Variants in C3orf52 observed in about 807,000 individuals in gnomAD.
The protein encoded by C3orf52 is chromosome 3 open reading frame 52.
Under a neutral mutation model 24.8 loss-of-function variants are expected in C3orf52, and 22 were observed. That is an observed-to-expected ratio of 0.89 (90% CI 0.63 to 1.27). C3orf52 has a LOEUF of 1.27. Among genes scored for constraint, C3orf52 ranks in the 50% most tolerant of loss-of-function variants. The pLI is 0.00. For missense variants in C3orf52, 265 were observed against 260.7 expected (o/e 1.02, Z -0.11); for synonymous variants, 93 against 100.2 (o/e 0.93, Z 0.43).
chr3:112,099,286 C>T (rs1017333499), intron 2 of C3orf52, among the ~76,000 whole-genome samples: 2 of 152,164 alleles, frequency 1.3e-5, no homozygotes, highest in Non-Finnish European at 2.9e-5. Context: ...TACACGCTCA[C>T]ATTGGTGGTT....
At chr3:112,126,929 G>A (rs1482025790) in intron 4 of C3orf52, 1 of 1,120,214 alleles carries the variant, frequency 8.9e-7, no homozygotes, top group African/African-American at 1.5e-5. Context: ...TAGAGAAGAA[G>A]TAGTTTGGAA....
At chr3:112,122,309 G>A (rs1205946773), downstream of C3orf52, 1 of 152,154 alleles carries the variant, frequency 6.6e-6, no homozygotes, top group Non-Finnish European at 1.5e-5. Flanking sequence ...ACTCTCCCAT[G>A]GTTGAACAAT....
rs2074139529 is a variant in C3orf52 at position 112,116,949 on chromosome 3, TGTTTTGTTTC to T, written c.*313_*322del. 6.5e-7 allele frequency: 1 copy of T among 1,530,152 alleles called. No homozygotes were observed. Among genetic ancestry groups the T allele is most frequent in the Non-Finnish European group, 8.8e-7 (1 of 1,141,450 alleles). 94.8% of individuals were successfully genotyped at this position (1,530,152 alleles called of 1,614,324 possible). ...AGGTCACTGGTATTCTGTTTGTTTT[TGTTTTGTTTC>T]GTTTTGTTTTTTGAGACAGGGTCTC... is the stretch of plus-strand genomic sequence containing the variant. On this transcript the variant is annotated 3_prime_UTR_variant, in exon 6 of 6. Coordinates refer to ENST00000264848, the MANE Select transcript of C3orf52 (RefSeq NM_024616.3).
intron 3 of C3orf52, among the ~76,000 whole-genome samples, chr3:112,106,925 A>G (rs954367075): frequency 8.5e-5 from 13 of 152,186 alleles, no homozygotes; most frequent in African/African-American, 2.7e-4. Flanking sequence ...CTCCTTGCTC[A>G]GTTTGCACCA....
chr3:112,103,215 C>T (rs368463528), intron 3 of C3orf52, among the ~76,000 whole-genome samples: 12 of 151,754 alleles, frequency 7.9e-5, no homozygotes, highest in East Asian at 3.9e-4. Flanking sequence ...TACTTAAGGG[C>T]GGAGGGTGGG....
Position 112,098,675 on chromosome 3 carries a change from G to C in C3orf52, c.269-4163G>C, listed in dbSNP as rs1368224242. 3.3e-5 allele frequency among the ~76,000 whole-genome samples: 5 copies of C among 152,246 alleles called. No individual in the cohort carries two copies. The East Asian group carries it at 5.8e-4, about 18-fold the overall frequency. On this transcript the variant is annotated intron_variant, in intron 2 of 5. Coordinates refer to ENST00000264848, the MANE Select transcript of C3orf52 (RefSeq NM_024616.3). The stretch of plus-strand genomic sequence containing the variant: ...AGCTTATACATAACAGAAATTTATT[G>C]CTTACAGTTCTGGAGGCTGGGAACT...
Position 112,116,772 on chromosome 3 carries a change from G to C in C3orf52, c.*126G>C. 6.5e-7 allele frequency: 1 copy of C among 1,546,292 alleles called. No homozygotes were observed. The highest frequency in any genetic ancestry group is 8.7e-7 in the Non-Finnish European group (1 of 1,147,070). Reference sequence around the variant, plus strand: ...CAGAAGCACCAGCAACACCAGAGGGGTGGAGACTCCTTTCTCTCCCGATTC... The same window carrying C: ...CAGAAGCACCAGCAACACCAGAGGGCTGGAGACTCCTTTCTCTCCCGATTC... On this transcript the variant is annotated 3_prime_UTR_variant, in exon 6 of 6. Transcript: ENST00000264848.
intron 4 of C3orf52, chr3:112,111,513 CT>C (rs1211147944): frequency 6.6e-6 from 1 of 152,270 alleles, no homozygotes; most frequent in Non-Finnish European, 1.5e-5. Context: ...GAAAGTTGCT[CT>C]TTTCTCAAAA....
chr3:112,093,462 A>T lies in C3orf52; in HGVS notation c.241A>T (p.Ile81Phe), dbSNP rs2073897619. The change falls in exon 2 of 6, where the codon ATC (isoleucine) becomes TTC (phenylalanine). Residue 81 changes from isoleucine to phenylalanine, a missense_variant. Transcript: ENST00000264848. ...TSIFLGVITV[I>F]IIGLCLAAVT... Reference sequence around the variant, plus strand: ...CATTTTCCTAGGTGTCATTACAGTGATCATCATAGGCTTATGTCTTGCTGC... The same window carrying T: ...CATTTTCCTAGGTGTCATTACAGTGTTCATCATAGGCTTATGTCTTGCTGC... The T allele has an allele frequency of 1.9e-6, 3 of 1,613,756 alleles. No individual in the cohort carries two copies. The highest frequency in any genetic ancestry group is 1.3e-5 in the African/African-American group (1 of 74,932).
chr3:112,104,519 T>A (rs2074006630), intron 3 of C3orf52, among the ~76,000 whole-genome samples: 1 of 152,196 alleles, frequency 6.6e-6, no homozygotes, highest in African/African-American at 2.4e-5. Flanking sequence ...CGCATGAGAT[T>A]TCATTGCTTC....
intron 1 of C3orf52, among the ~76,000 whole-genome samples, chr3:112,089,439 G>C (rs1044270502): frequency 9.3e-5 from 14 of 150,182 alleles, no homozygotes; most frequent in African/African-American, 3.4e-4. Flanking sequence ...TGAGGCAGGA[G>C]ACTCGCTTGA....
Position 112,125,086 on chromosome 3 carries a change from C to T in C3orf52, c.*47-3147C>T, listed in dbSNP as rs116613568. The T allele has an allele frequency of 4.4e-6, 3 of 677,362 alleles. 1 individual carries two copies. Among genetic ancestry groups the T allele is most frequent in the South Asian group, 3.5e-5 (2 of 57,230 alleles). The allele number at this position is 677,362 out of a possible 1,614,324, so 42.0% of individuals were successfully genotyped here. ...GCCACCCGGCCCTGCACCTGCCACCCGAGTTCACAAGCACTGACATCTAAA... is the reference window on the plus strand; with the variant it reads ...GCCACCCGGCCCTGCACCTGCCACCTGAGTTCACAAGCACTGACATCTAAA... On this transcript the variant is annotated intron_variant, in intron 4 of 4. Coordinates refer to the C3orf52 transcript ENST00000480282.
chr3:112,086,771 C>G (rs917052441), intron 1 of C3orf52, among the ~76,000 whole-genome samples: 2 of 152,194 alleles, frequency 1.3e-5, no homozygotes, highest in African/African-American at 4.8e-5. Context: ...CTCTGACCCC[C>G]GAGGCGCTTT....
chr3:112,104,063 G>A (rs1385795566), intron 3 of C3orf52, among the ~76,000 whole-genome samples: 6 of 152,170 alleles, frequency 3.9e-5, no homozygotes, highest in African/African-American at 9.7e-5. Context: ...GGGCAGTGTC[G>A]GGAAAATAAG....
the C3orf52 span, among the ~76,000 whole-genome samples, chr3:112,136,141 C>G: frequency 6.6e-6 from 1 of 152,130 alleles, no homozygotes; most frequent in African/African-American, 2.4e-5. Context: ...GGGCAATTAG[C>G]AAATATATTA....
downstream of C3orf52, among the ~76,000 whole-genome samples, chr3:112,132,068 A>C (rs2074467797): frequency 6.6e-6 from 1 of 152,216 alleles, no homozygotes; most frequent in Non-Finnish European, 1.5e-5. Context: ...ACTACATTTG[A>C]GCATCTCATA....
At chr3:112,093,230 A>G in intron 1 of C3orf52, 130 bp from the exon 2 acceptor site, 2 of 845,996 alleles carry the variant, frequency 2.4e-6, no homozygotes, top group Non-Finnish European at 3.5e-6. Context: ...TGAAAACTTG[A>G]TTCAGTAGAG....
At chr3:112,103,133 T>C (rs2073990107) in intron 3 of C3orf52, among the ~76,000 whole-genome samples, 168 bp downstream of exon 3, 1 of 152,188 alleles carries the variant, frequency 6.6e-6, no homozygotes. Context: ...AAATACCACA[T>C]GTTCTCACTT....
intron 4 of C3orf52, chr3:112,123,628 C>T: frequency 6.2e-7 from 1 of 1,614,056 alleles, no homozygotes; most frequent in South Asian, 1.1e-5. Flanking sequence ...TCAGTTCCTC[C>T]CAAGGACTCT....
Sources: gnomAD v4.1 joint callset for allele counts (sites outside exome capture counted in the v4.1 genomes callset) on GRCh38, gnomAD v4.1.1 for gene constraint, MANE v1.5 for transcripts, NCBI Gene and HGNC (gene_info 2026-07-23, HGNC 2026-07-21) for gene names.